Variants in IMPG1 observed in about 807,000 individuals in gnomAD.
IMPG1 encodes interphotoreceptor matrix proteoglycan of 150 kDa.
In IMPG1, 85 loss-of-function variants were observed where a neutral mutation model predicts 92.0. The ratio of observed to expected loss-of-function variants is 0.92; its 90% CI spans 0.78 to 1.11. The LOEUF is 1.11. Ranked by LOEUF, IMPG1 falls within the 50% of genes least tolerant of loss-of-function variation. The probability of loss-of-function intolerance (pLI) is 0.00; values close to 1 mark genes in which losing one functional copy is unlikely to be tolerated. For synonymous variants in IMPG1, 367 were observed against 334.1 expected, an observed-to-expected ratio of 1.10 and a Z score of -1.08; for missense variants, 1,022 against 956.0, an observed-to-expected ratio of 1.07 and a Z score of -0.91.
intron 6 of IMPG1, among the ~76,000 whole-genome samples, chr6:76,021,663 C>A (rs143855838): frequency 1.3e-5 from 2 of 151,150 alleles, no homozygotes; most frequent in Non-Finnish European, 3.0e-5. Flanking sequence ...CCTATTCATC[C>A]CGGACATAAC....
intron 1 of IMPG1, among the ~76,000 whole-genome samples, chr6:76,057,969 AAAAATAAAATAAAAT>A (rs142036504): frequency 6.6e-6 from 1 of 150,662 alleles, no homozygotes; most frequent in Non-Finnish European, 1.5e-5. Flanking sequence ...GTGCTTCAGT[AAAAATAAAATAAAAT>A]AAAATAAAAT....
rs377320526 is a variant in IMPG1, at chr6:75,968,206, T to G, written c.1292-17112A>C. Among the ~76,000 whole-genome samples the G allele has an allele frequency of 1.7e-4, 26 of 152,334 alleles. No individual in the cohort carries two copies. The East Asian group carries it at 4.0e-3, about 24-fold the overall frequency. On this transcript the variant is annotated intron_variant, in intron 12 of 16. Transcript: ENST00000369950. ...CTGATAATTTTATCTTTCATAGCAT[T>G]ACATAAAAAATTCTATCTACTGTTA...
intron 1 of IMPG1, among the ~76,000 whole-genome samples, chr6:76,049,331 CT>C (rs1487970175): frequency 2.0e-5 from 3 of 152,176 alleles, no homozygotes; most frequent in Non-Finnish European, 4.4e-5. Flanking sequence ...AAATTTACCC[CT>C]GGACCTAAAA....
At chr6:76,071,068 G>T (rs908792619) in intron 1 of IMPG1, among the ~76,000 whole-genome samples, 5 of 150,168 alleles carry the variant, frequency 3.3e-5, no homozygotes, top group African/African-American at 1.2e-4. Context: ...TTCTTGATAA[G>T]CTTATTTCAT....
chr6:76,018,133 C>T (rs908948375), intron 7 of IMPG1, among the ~76,000 whole-genome samples: 27 of 152,144 alleles, frequency 1.8e-4, no homozygotes, highest in Non-Finnish European at 2.9e-5. Flanking sequence ...CCTATGGATG[C>T]CTGAAATTGT....
intron 1 of IMPG1, among the ~76,000 whole-genome samples, chr6:76,058,013 T>G (rs2127597247): frequency 6.6e-6 from 1 of 152,200 alleles, no homozygotes; most frequent in Admixed American, 6.5e-5. Flanking sequence ...AAAATAGGGT[T>G]GTGGTTTTTT....
At chr6:76,065,346 C>A (rs1784291510) in intron 1 of IMPG1, among the ~76,000 whole-genome samples, 1 of 151,722 alleles carries the variant, frequency 6.6e-6, no homozygotes, top group Non-Finnish European at 1.5e-5. Flanking sequence ...ATCAGAAAAA[C>A]AATTCAAGAA....
chr6:76,066,951 TG>T (rs1784319723), intron 1 of IMPG1, among the ~76,000 whole-genome samples: 1 of 152,000 alleles, frequency 6.6e-6, no homozygotes, highest in Non-Finnish European at 1.5e-5. Flanking sequence ...GAGTGATCTG[TG>T]GGTCAATGAC....
intron 12 of IMPG1, among the ~76,000 whole-genome samples, chr6:75,974,451 T>TCCTC (rs1224036118): frequency 1.2e-4 from 16 of 133,146 alleles, no homozygotes; most frequent in African/African-American, 4.0e-4. Flanking sequence ...CTTCCTTCCT[T>TCCTC]CTTTCTTCTT....
rs770754400 is a variant in IMPG1, at chr6:76,005,403, A to G, written c.1019T>C (p.Met340Thr). ...GATTTCTGGTTGCTTGTCCTCCTCCATGGTTCCATGATAGACTTCCTCACT... is the reference window on the plus strand; with the variant it reads ...GATTTCTGGTTGCTTGTCCTCCTCCGTGGTTCCATGATAGACTTCCTCACT... ...IESEEVYHGT[M>T]EEDKQPEIYL... The change falls in exon 10 of 17, where the codon ATG becomes ACG. Residue 340 changes from methionine to threonine, a missense_variant. Transcript: ENST00000369950. 6.2e-7 allele frequency: 1 copy of G among 1,614,002 alleles called. No individual in the cohort carries two copies. Among genetic ancestry groups the G allele is most frequent in the East Asian group, 2.2e-5 (1 of 44,876 alleles).
intron 1 of IMPG1, among the ~76,000 whole-genome samples, chr6:76,044,454 G>A (rs1196738077): frequency 6.6e-6 from 1 of 152,126 alleles, no homozygotes; most frequent in Non-Finnish European, 1.5e-5. Flanking sequence ...TGCCTGTAAT[G>A]TGTGGGGTCC....
chr6:75,945,783 C>T (rs1161686148), intron 14 of IMPG1, among the ~76,000 whole-genome samples: 1 of 152,202 alleles, frequency 6.6e-6, no homozygotes, highest in Non-Finnish European at 1.5e-5. Flanking sequence ...GTCCCTTATA[C>T]AGCCCTGGCA....
chr6:76,015,363 G>A (rs1783266766), intron 7 of IMPG1, among the ~76,000 whole-genome samples: 1 of 152,218 alleles, frequency 6.6e-6, no homozygotes, highest in Admixed American at 6.5e-5. Context: ...GGGAACAGAT[G>A]TTGTAAGCAG....
At chr6:76,022,346 T>C in intron 5 of IMPG1, 127 bp from the exon 6 acceptor site, 1 of 466,560 alleles carries the variant, frequency 2.1e-6, no homozygotes, top group Non-Finnish European at 4.1e-6. Flanking sequence ...CCTTCTGAAC[T>C]CATCTTTTTA....
At position 76,022,286 on chromosome 6, in the gene IMPG1, A is replaced by C. The variant is rs1783446515; in HGVS notation, c.563-67T>G. On this transcript the variant is annotated intron_variant, in intron 5 of 16. Transcript: ENST00000369950. ...GAGGAGTTTAAATTAGAACGAGGTC[A>C]AAATTCAATATGCTTTTTCTGTCAT... 3 of 787,632 alleles carry C rather than the reference A, an allele frequency of 3.8e-6. No individual in the cohort carries two copies. In the Admixed American group the frequency reaches 6.1e-5, roughly 16 times the overall value. 48.8% of individuals were successfully genotyped at this position (787,632 alleles called of 1,614,324 possible).
At chr6:75,978,826 A>G (rs759633390) in intron 12 of IMPG1, among the ~76,000 whole-genome samples, 1 of 152,238 alleles carries the variant, frequency 6.6e-6, no homozygotes, top group African/African-American at 2.4e-5. Flanking sequence ...TTTGGTGTAC[A>G]TTATACCTAA....
At position 76,005,302 on chromosome 6, in the gene IMPG1, T is replaced by G. The variant is rs764711878; in HGVS notation, c.1120A>C (p.Ile374Leu). ...EEEQSLDVGT[I>L]QFTDEIAGSL... ...ATTAACTGACCATCAGTGAACTGAATTGTCCCCACATCCAAAGATTGTTCT... is the reference window on the plus strand; with the variant it reads ...ATTAACTGACCATCAGTGAACTGAAGTGTCCCCACATCCAAAGATTGTTCT... The change falls in exon 10 of 17, where the codon ATT (isoleucine) becomes CTT (leucine). Residue 374 changes from isoleucine to leucine, a missense_variant. Around this residue, in one of 3 missense-constraint regions of IMPG1, gnomAD observed 681 missense variants for 583.6 expected, o/e 1.17. Transcript: ENST00000369950. 4 of 1,614,002 alleles carry G rather than the reference T, an allele frequency of 2.5e-6. No homozygotes were observed. Among genetic ancestry groups the G allele is most frequent in the Non-Finnish European group, 2.5e-6 (3 of 1,179,924 alleles).
intron 14 of IMPG1, among the ~76,000 whole-genome samples, chr6:75,939,882 G>A (rs556382032): frequency 3.9e-5 from 6 of 152,312 alleles, no homozygotes; most frequent in East Asian, 1.9e-4. Flanking sequence ...CTGTGCTGAC[G>A]TTGTCCGTTT....
chr6:76,060,043 G>A (rs1386653630), intron 1 of IMPG1, among the ~76,000 whole-genome samples: 3 of 152,128 alleles, frequency 2.0e-5, no homozygotes, highest in Non-Finnish European at 4.4e-5. Flanking sequence ...TAATTTTGAG[G>A]TTCTGACTTT....
Sources: allele counts gnomAD v4.1 joint callset (sites outside exome capture counted in the v4.1 genomes callset), GRCh38; gene constraint gnomAD v4.1.1; regional missense constraint gnomAD v4.1.1; transcripts MANE v1.5; gene names NCBI Gene and HGNC (gene_info 2026-07-23, HGNC 2026-07-21).